The following CPLANE1 variants were observed in gnomAD, a reference collection of about 807,000 sequenced individuals.
CPLANE1 encodes the protein ciliogenesis and planar polarity effector 1.
In CPLANE1, 263 loss-of-function variants were observed where a neutral mutation model predicts 362.5. That is an observed-to-expected ratio of 0.73 (90% CI 0.66 to 0.80). CPLANE1 has a LOEUF of 0.80. Ranked by LOEUF, CPLANE1 falls within the 30% of genes least tolerant of loss-of-function variation. The pLI is 0.00. For synonymous variants in CPLANE1, 1,212 were observed against 1,302.6 expected, an observed-to-expected ratio of 0.93 and a Z score of 1.50; for missense variants, 3,461 against 3,793.4, an observed-to-expected ratio of 0.91 and a Z score of 2.30.
At chr5:37,230,749 A>G (rs530059588) in intron 9 of CPLANE1, 118 bp downstream of exon 9, 1 of 599,522 alleles carries the variant, frequency 1.7e-6, no homozygotes, top group East Asian at 3.4e-5. Flanking sequence ...TTGAGATGAC[A>G]GACTCAAAGA....
chr5:37,105,186 G>C (rs1402071291), downstream of CPLANE1, among the ~76,000 whole-genome samples: 1 of 152,116 alleles, frequency 6.6e-6, no homozygotes, highest in African/African-American at 2.4e-5. Context: ...TGGAGTCCCA[G>C]CTACTTGGGT....
chr5:37,116,533 G>C (rs987338706), intron 50 of CPLANE1, among the ~76,000 whole-genome samples: 13 of 128,546 alleles, frequency 1.0e-4, no homozygotes, highest in Non-Finnish European at 1.8e-4. Context: ...GTGGGAAGAT[G>C]ATCTGAGCCA....
intron 47 of CPLANE1, 142 bp from the exon 48 acceptor site, chr5:37,122,630 G>A (rs1762977634): frequency 3.1e-6 from 2 of 651,826 alleles, no homozygotes; most frequent in Admixed American, 7.0e-5. Flanking sequence ...ACATAAAAAT[G>A]TTAAATTAAA....
the CPLANE1 span, among the ~76,000 whole-genome samples, chr5:37,087,946 A>G: frequency 6.6e-6 from 1 of 152,220 alleles, no homozygotes; most frequent in African/African-American, 2.4e-5. Flanking sequence ...GCAGAATACA[A>G]TGAGTTGTAC....
chr5:37,224,658 T>A lies in CPLANE1; in HGVS notation c.2374A>T (p.Ser792Cys), dbSNP rs1386473177. ...TGTGTCATCTTTTCAGTTAACTGAC[T>A]ATCAGCTTCAGGAACTCTTCGATTT... is the stretch of plus-strand genomic sequence containing the variant. ...QLNRRVPEAD[S>C]QLTEKMTHEA... The change falls in exon 13 of 53, where the codon AGT becomes TGT. Residue 792 changes from serine (S) to cysteine (C), a missense_variant. Ser to Cys is a moderately radical substitution (Grantham distance 112, BLOSUM62 -1). Coordinates refer to ENST00000651892, the MANE Select transcript of CPLANE1 (RefSeq NM_001384732.1). The A allele has an allele frequency of 1.3e-6, 2 of 1,551,522 alleles. No homozygotes were observed. The highest frequency in any genetic ancestry group is 2.0e-5 in the Admixed American group (1 of 51,008).
chr5:37,194,228 G>T (rs531923394), intron 21 of CPLANE1, among the ~76,000 whole-genome samples: 2 of 152,124 alleles, frequency 1.3e-5, no homozygotes, highest in East Asian at 3.9e-4. Context: ...AGCCAGAAAG[G>T]AAACTTTTTA....
chr5:37,214,762 C>T (rs939278864), intron 15 of CPLANE1, among the ~76,000 whole-genome samples: 1 of 152,170 alleles, frequency 6.6e-6, no homozygotes, highest in South Asian at 2.1e-4. Flanking sequence ...AAAAAGCAAC[C>T]TCACAATTCT....
downstream of CPLANE1, among the ~76,000 whole-genome samples, chr5:37,104,725 G>A (rs1044569910): frequency 2.6e-5 from 4 of 151,322 alleles, no homozygotes; most frequent in Non-Finnish European, 5.9e-5. Flanking sequence ...GGCCAACATT[G>A]TGAAACCCCA....
rs794727005 is a variant in CPLANE1, at chr5:37,227,563, T to C, written c.1371+5A>G. ...TTTCCCCAATGATATAAAAAAGCACTATACCTTAGACAATATCACACTTTG... is the reference window on the plus strand; with the variant it reads ...TTTCCCCAATGATATAAAAAAGCACCATACCTTAGACAATATCACACTTTG... On this transcript the variant is annotated splice_donor_5th_base_variant and intron_variant, in intron 10 of 52. Transcript: ENST00000651892. 8 of 1,537,260 alleles carry C rather than the reference T, an allele frequency of 5.2e-6. No individual in the cohort carries two copies. In the African/African-American group the frequency reaches 1.1e-4, roughly 21 times the overall value.
intron 44 of CPLANE1, chr5:37,139,761 G>A (rs954593209): frequency 1.2e-4 from 79 of 660,910 alleles, no homozygotes; most frequent in Non-Finnish European, 1.3e-4. Context: ...TGTTGCCCAG[G>A]TTGGTCTCGA....
Position 37,157,357 on chromosome 5 carries a change from G to A in CPLANE1, c.8075C>T (p.Pro2692Leu). ...LRAGITEVKE[P>L]SVTSPTPSDI... ...TGATGGTGTAGGTGAGGTGACACTA[G>A]GCTCCTTCACTTCTGTAATGCCTGC... The change falls in exon 41 of 53, where the codon CCT becomes CTT. Residue 2692 changes from proline (P) to leucine (L), a missense_variant. Pro to Leu is a moderately conservative substitution (Grantham distance 98, BLOSUM62 -3). Coordinates refer to ENST00000651892, the MANE Select transcript of CPLANE1 (RefSeq NM_001384732.1). 1 of 1,392,722 alleles carries A rather than the reference G, an allele frequency of 7.2e-7. No homozygotes were observed. The highest frequency in any genetic ancestry group is 9.5e-7 in the Non-Finnish European group (1 of 1,048,890). 86.3% of individuals were successfully genotyped at this position (1,392,722 alleles called of 1,614,324 possible). A position where few individuals can be genotyped will look rare whatever the true frequency, so the allele number is the denominator to read the frequency against.
intron 46 of CPLANE1, among the ~76,000 whole-genome samples, chr5:37,136,090 C>T (rs1032044607): frequency 1.3e-5 from 2 of 152,174 alleles, no homozygotes; most frequent in Non-Finnish European, 2.9e-5. Context: ...GGTCTTAACT[C>T]ATTCTAGCAT....
intron 46 of CPLANE1, 136 bp from the exon 47 acceptor site, chr5:37,125,545 C>A: frequency 1.4e-6 from 1 of 708,620 alleles, no homozygotes. Flanking sequence ...GTTCTCTAGT[C>A]AACTCACTCC....
At chr5:37,076,610 C>T in the CPLANE1 span, among the ~76,000 whole-genome samples, 3 of 152,032 alleles carry the variant, frequency 2.0e-5, no homozygotes, top group African/African-American at 7.2e-5. Context: ...CCACACCTGG[C>T]GATGTTGAAC....
the CPLANE1 span, among the ~76,000 whole-genome samples, chr5:37,077,145 C>T: frequency 6.6e-6 from 1 of 152,044 alleles, no homozygotes; most frequent in Non-Finnish European, 1.5e-5. Flanking sequence ...AGAAGTTGGA[C>T]CCTTGCTTGG....
Position 37,173,423 on chromosome 5 carries a change from C to G in CPLANE1, c.6171+332G>C, listed in dbSNP as rs866548129. On this transcript the variant is annotated intron_variant, in intron 32 of 52. Transcript: ENST00000651892. ...TCATTGTGAGAAGTAGGTAGCTTAGCCTAGACCTCTGGGCCCTAGAGGTCT... is the reference window on the plus strand; with the variant it reads ...TCATTGTGAGAAGTAGGTAGCTTAGGCTAGACCTCTGGGCCCTAGAGGTCT... 1.3e-4 allele frequency among the ~76,000 whole-genome samples: 20 copies of G among 152,248 alleles called. No individual in the cohort carries two copies. The Middle Eastern group carries it at 0.01, about 78-fold the overall frequency.
intron 21 of CPLANE1, among the ~76,000 whole-genome samples, chr5:37,191,258 C>A (rs1334185643): frequency 6.6e-6 from 1 of 152,118 alleles, no homozygotes; most frequent in East Asian, 1.9e-4. Flanking sequence ...CCTGGCCAAG[C>A]ACAGTAGCTC....
chr5:37,082,483 T>TACA, the CPLANE1 span, among the ~76,000 whole-genome samples: 2 of 151,970 alleles, frequency 1.3e-5, no homozygotes, highest in Non-Finnish European at 1.5e-5. Flanking sequence ...CATAAAAACA[T>TACA]ACACAAAGAC....
intron 43 of CPLANE1, among the ~76,000 whole-genome samples, chr5:37,144,325 T>C (rs1169502879): frequency 6.7e-6 from 1 of 149,324 alleles, no homozygotes; most frequent in Non-Finnish European, 1.5e-5. Context: ...AGAGAATTGC[T>C]TGAACCCTGG....
Sources: gnomAD v4.1 joint callset for allele counts (sites outside exome capture counted in the v4.1 genomes callset) on GRCh38, gnomAD v4.1.1 for gene constraint, MANE v1.5 for transcripts, NCBI Gene and HGNC (gene_info 2026-07-23, HGNC 2026-07-21) for gene names.